Variants in PCDH15 observed in about 807,000 individuals in gnomAD.
PCDH15 encodes protocadherin-15.
PCDH15 carries 129 observed loss-of-function variants against 178.5 expected under a neutral mutation model. That is an observed-to-expected ratio of 0.72 (90% confidence interval 0.63 to 0.84). PCDH15 has a LOEUF of 0.84. Ranked by LOEUF, PCDH15 falls within the 40% of genes least tolerant of loss-of-function variation. The pLI, the probability that PCDH15 is intolerant of heterozygous loss-of-function variation, is 0.00. For missense variants in PCDH15, 2,230 were observed against 2,099.9 expected, an observed-to-expected ratio of 1.06 and a Z score of -1.21; for synonymous variants, 800 against 732.0, an observed-to-expected ratio of 1.09 and a Z score of -1.50.
At chr10:53,867,641 T>C (rs1250566915) in intron 26 of PCDH15, among the ~76,000 whole-genome samples, 2 of 152,236 alleles carry the variant, frequency 1.3e-5, no homozygotes, top group East Asian at 3.9e-4. Context: ...GGTTGAAAGA[T>C]GGGATTGGTT....
chr10:53,973,007 T>C (rs10763036), intron 21 of PCDH15, among the ~76,000 whole-genome samples: 109,181 of 151,318 alleles, frequency 0.72, 39,659 homozygotes, highest in East Asian at 0.87. Context: ...TTTATTGTGG[T>C]ACTATTCACA....
chr10:54,383,105 T>A (rs1304131195), intron 3 of PCDH15, among the ~76,000 whole-genome samples: 1 of 152,078 alleles, frequency 6.6e-6, no homozygotes, highest in Non-Finnish European at 1.5e-5. Context: ...TTATATAGAT[T>A]TGAGCATATA....
At chr10:54,453,817 C>T (rs2076637558) in intron 3 of PCDH15, among the ~76,000 whole-genome samples, 1 of 151,934 alleles carries the variant, frequency 6.6e-6, no homozygotes, top group South Asian at 2.1e-4. Context: ...CTGGAAGAGG[C>T]AAGGGAAGTT....
At chr10:54,387,377 A>C (rs1950048300) in intron 3 of PCDH15, among the ~76,000 whole-genome samples, 1 of 152,198 alleles carries the variant, frequency 6.6e-6, no homozygotes, top group Admixed American at 6.5e-5. Context: ...TATACACAAA[A>C]GGAATATTAT....
At chr10:55,555,947 C>A (rs1002588658) in intron 2 of PCDH15, among the ~76,000 whole-genome samples, 3 of 152,094 alleles carry the variant, frequency 2.0e-5, no homozygotes, top group African/African-American at 7.2e-5. Context: ...TGTTCATTAT[C>A]ATTCAGATAC....
At position 55,093,668 on chromosome 10, in the gene PCDH15, A is replaced by C. The variant is rs534421956; in HGVS notation, c.-80+72908T>G. On this transcript the variant is annotated intron_variant, in intron 2 of 5. Coordinates refer to the PCDH15 transcript ENST00000458638. ...TTAATTTTTGTATAAGGTGTAAAGA[A>C]GGGATCCAGTTTCAACAAATTTACA... 5.3e-5 allele frequency among the ~76,000 whole-genome samples: 8 copies of C among 152,156 alleles called. No individual in the cohort carries two copies. In the South Asian group the frequency reaches 1.7e-3, roughly 32 times the overall value.
At chr10:54,427,270 T>G (rs75937741) in intron 3 of PCDH15, among the ~76,000 whole-genome samples, 4 of 72,634 alleles carry the variant, frequency 5.5e-5, no homozygotes, top group South Asian at 4.8e-4. Context: ...CTTTTTCTGG[T>G]TTTTTTTTTT....
chr10:54,358,655 T>A (rs1375604550), intron 5 of PCDH15, among the ~76,000 whole-genome samples: 1 of 152,048 alleles, frequency 6.6e-6, no homozygotes, highest in Admixed American at 6.5e-5. Flanking sequence ...GCCATCCCAT[T>A]ACTGGGTATA....
At chr10:55,541,159 A>C (rs1433879446) in intron 2 of PCDH15, among the ~76,000 whole-genome samples, 1 of 152,034 alleles carries the variant, frequency 6.6e-6, no homozygotes, top group African/African-American at 2.4e-5. Context: ...TTGTTTCTGA[A>C]AGTAATCTGA....
At chr10:54,622,599 A>AAT (rs1331528500) in intron 2 of PCDH15, among the ~76,000 whole-genome samples, 5 of 46,320 alleles carry the variant, frequency 1.1e-4, no homozygotes, top group Non-Finnish European at 2.1e-4. Flanking sequence ...TATAATATAT[A>AAT]ATATATATAA....
chr10:54,160,644 G>T (rs1396388024), intron 13 of PCDH15, among the ~76,000 whole-genome samples: 2 of 152,198 alleles, frequency 1.3e-5, no homozygotes, highest in South Asian at 4.1e-4. Flanking sequence ...CAAAATATTT[G>T]CAGATCATAT....
chr10:54,102,264 AC>A (rs1426891474), intron 15 of PCDH15, among the ~76,000 whole-genome samples: 1 of 152,230 alleles, frequency 6.6e-6, no homozygotes, highest in Non-Finnish European at 1.5e-5. Context: ...AAGGCAGGCC[AC>A]ACAATTTCTT....
chr10:54,727,125 C>CA (rs1436354152), intron 1 of PCDH15, among the ~76,000 whole-genome samples: 3 of 151,360 alleles, frequency 2.0e-5, no homozygotes, highest in Non-Finnish European at 3.0e-5. Flanking sequence ...ATTTCTCCAA[C>CA]AAAAAACAGC....
intron 3 of PCDH15, among the ~76,000 whole-genome samples, chr10:54,485,723 AT>A (rs928733849): frequency 6.6e-6 from 1 of 151,870 alleles, no homozygotes; most frequent in African/African-American, 2.4e-5. Context: ...TTAGCCATTT[AT>A]TTTTCAAAAG....
intron 8 of PCDH15, among the ~76,000 whole-genome samples, chr10:54,286,751 A>G (rs997824524): frequency 6.6e-6 from 1 of 152,088 alleles, no homozygotes; most frequent in Non-Finnish European, 1.5e-5. Flanking sequence ...CTCAGCCTCC[A>G]GAGTAGCTTG....
At chr10:55,354,397 G>A in intron 2 of PCDH15, among the ~76,000 whole-genome samples, 1 of 152,126 alleles carries the variant, frequency 6.6e-6, no homozygotes. Context: ...GCAGCTCAGG[G>A]TACAATAGAG....
chr10:55,345,009 C>G (rs1844708828), intron 2 of PCDH15, among the ~76,000 whole-genome samples: 1 of 151,908 alleles, frequency 6.6e-6, no homozygotes, highest in Admixed American at 6.6e-5. Flanking sequence ...TTTTCTGGGT[C>G]ATGATCTAGG....
intron 16 of PCDH15, among the ~76,000 whole-genome samples, chr10:54,086,272 C>G (rs748227928): frequency 2.2e-4 from 34 of 151,966 alleles, no homozygotes; most frequent in Non-Finnish European, 4.3e-4. Context: ...AGGGGTGGTG[C>G]CAGGCTCCTT....
intron 2 of PCDH15, among the ~76,000 whole-genome samples, chr10:55,147,650 CCTTT>C (rs994581603): frequency 1.9e-3 from 23 of 12,330 alleles, no homozygotes; most frequent in African/African-American, 4.2e-3. Flanking sequence ...CTTTCCTCTT[CCTTT>C]TTTTTTTAAA....
Sources: allele counts gnomAD v4.1 joint callset (sites outside exome capture counted in the v4.1 genomes callset), GRCh38; gene constraint gnomAD v4.1.1; transcripts MANE v1.5; gene names NCBI Gene and HGNC (gene_info 2026-07-23, HGNC 2026-07-21).